Variants in LRRC4C observed in about 807,000 individuals in gnomAD.
LRRC4C encodes leucine-rich repeat-containing protein 4C.
Under a neutral mutation model 33.6 loss-of-function variants are expected in LRRC4C, and 5 were observed. The observed-to-expected ratio is 0.15, with a 90% CI of 0.08 to 0.31. The LOEUF (loss-of-function observed/expected upper bound fraction) is 0.31. LRRC4C is among the 10% of genes least tolerant of loss of function. LRRC4C has a pLI of 1.00. For missense variants in LRRC4C, 560 were observed against 796.7 expected (o/e 0.70, Z 3.58); for synonymous variants, 329 against 302.0 (o/e 1.09, Z -0.93).
intron 1 of LRRC4C, among the ~76,000 whole-genome samples, chr11:41,234,728 G>C (rs1233256228): frequency 6.6e-6 from 1 of 151,990 alleles, no homozygotes; most frequent in Non-Finnish European, 1.5e-5. Context: ...GAGACCATCT[G>C]ATAATTATTT....
chr11:40,523,601 T>C (rs1955915972), intron 3 of LRRC4C, among the ~76,000 whole-genome samples: 1 of 68,772 alleles, frequency 1.5e-5, no homozygotes, highest in Non-Finnish European at 4.0e-5. Flanking sequence ...ATATGTAATC[T>C]ATTATATATA....
At chr11:41,315,525 A>G (rs1950761554) in intron 1 of LRRC4C, among the ~76,000 whole-genome samples, 1 of 152,120 alleles carries the variant, frequency 6.6e-6, no homozygotes, top group African/African-American at 2.4e-5. Flanking sequence ...ATCAACACCA[A>G]CTTGCCAGCC....
intron 3 of LRRC4C, among the ~76,000 whole-genome samples, chr11:40,450,808 G>A (rs1951849057): frequency 6.8e-6 from 1 of 147,986 alleles, no homozygotes; most frequent in African/African-American, 2.5e-5. Flanking sequence ...CGCATATAAA[G>A]TATGCTCTCT....
chr11:41,034,516 G>A (rs1259065653), intron 1 of LRRC4C, among the ~76,000 whole-genome samples: 1 of 142,206 alleles, frequency 7.0e-6, no homozygotes, highest in Admixed American at 7.2e-5. Context: ...ATATATGTGT[G>A]TATATATATA....
intron 3 of LRRC4C, among the ~76,000 whole-genome samples, chr11:40,480,681 C>A (rs1953510130): frequency 6.6e-6 from 1 of 151,450 alleles, no homozygotes. Context: ...GTATATATAC[C>A]ATATATATGT....
intron 3 of LRRC4C, among the ~76,000 whole-genome samples, chr11:40,452,486 A>T (rs1271275718): frequency 6.6e-6 from 1 of 152,230 alleles, no homozygotes; most frequent in Admixed American, 6.5e-5. Context: ...ATGAGATACC[A>T]TCTCACACCA....
intron 1 of LRRC4C, among the ~76,000 whole-genome samples, chr11:41,433,721 T>C (rs915428455): frequency 2.0e-5 from 3 of 152,094 alleles, no homozygotes; most frequent in Admixed American, 2.0e-4. Context: ...ACTGGCTTCC[T>C]TGCTCCTCAG....
chr11:40,934,352 T>C (rs79602512), intron 1 of LRRC4C, among the ~76,000 whole-genome samples: 1,992 of 152,296 alleles, frequency 0.013, 42 homozygotes, highest in African/African-American at 0.045. Context: ...CCTAATTCTA[T>C]GTCCCTGCCT....
chr11:41,367,472 C>T (rs573187396), intron 1 of LRRC4C, among the ~76,000 whole-genome samples: 2 of 152,272 alleles, frequency 1.3e-5, no homozygotes, highest in South Asian at 2.1e-4. Flanking sequence ...GGGATACCAG[C>T]TACACATAGT....
intron 1 of LRRC4C, among the ~76,000 whole-genome samples, chr11:41,095,082 A>G (rs111958245): frequency 1.3e-4 from 20 of 152,192 alleles, no homozygotes; most frequent in African/African-American, 4.8e-4. Flanking sequence ...GTAATTTATC[A>G]ACAAAAGAGG....
At chr11:41,231,188 C>T (rs1166467841) in intron 1 of LRRC4C, among the ~76,000 whole-genome samples, 4 of 151,998 alleles carry the variant, frequency 2.6e-5, no homozygotes, top group East Asian at 1.9e-4. Flanking sequence ...AGTTCAACCA[C>T]TGTGGAAGTC....
intron 3 of LRRC4C, among the ~76,000 whole-genome samples, chr11:40,433,309 T>C (rs993334424): frequency 2.0e-5 from 3 of 150,978 alleles, no homozygotes; most frequent in African/African-American, 7.4e-5. Context: ...TTACATATTA[T>C]AAATAACAGA....
chr11:40,436,684 T>A (rs1951153284), intron 3 of LRRC4C, among the ~76,000 whole-genome samples: 1 of 152,132 alleles, frequency 6.6e-6, no homozygotes, highest in Non-Finnish European at 1.5e-5. Context: ...GGGAAGAGGC[T>A]GAGATGCCAT....
chr11:40,712,712 C>T (rs143989658), intron 2 of LRRC4C, among the ~76,000 whole-genome samples: 3,025 of 151,996 alleles, frequency 0.02, 53 homozygotes, highest in African/African-American at 0.034. Context: ...CTTAAAAAAC[C>T]TTTACAAAGA....
intron 3 of LRRC4C, among the ~76,000 whole-genome samples, chr11:40,337,741 T>G (rs375377136): frequency 6.6e-6 from 1 of 152,146 alleles, no homozygotes; most frequent in Non-Finnish European, 1.5e-5. Context: ...TAAACTTGTG[T>G]CATAGGGGTT....
chr11:40,235,132 T>C (rs1269097378), intron 5 of LRRC4C, among the ~76,000 whole-genome samples: 1 of 152,258 alleles, frequency 6.6e-6, no homozygotes, highest in Non-Finnish European at 1.5e-5. Flanking sequence ...TTTGGTTTTG[T>C]GGATTATCCA....
chr11:41,384,164 G>A (rs144499662), intron 1 of LRRC4C, among the ~76,000 whole-genome samples: 19 of 152,032 alleles, frequency 1.2e-4, no homozygotes, highest in Admixed American at 5.9e-4. Context: ...GAAGGTAACA[G>A]TGATAAATGC....
chr11:40,316,600 G>A (rs1204792847), intron 4 of LRRC4C, among the ~76,000 whole-genome samples: 1 of 151,964 alleles, frequency 6.6e-6, no homozygotes, highest in African/African-American at 2.4e-5. Context: ...AATCAAATGA[G>A]TGGTTGTATT....
intron 2 of LRRC4C, among the ~76,000 whole-genome samples, chr11:40,932,529 C>T (rs1957672608): frequency 6.6e-6 from 1 of 151,604 alleles, no homozygotes; most frequent in Admixed American, 6.6e-5. Context: ...ATGGAAGGAA[C>T]CAGGGAAATG....
Sources: allele counts gnomAD v4.1 joint callset (sites outside exome capture counted in the v4.1 genomes callset), GRCh38; gene constraint gnomAD v4.1.1; transcripts MANE v1.5; gene names NCBI Gene and HGNC (gene_info 2026-07-23, HGNC 2026-07-21).